ATRNL1: variants seen among roughly 807,000 people sequenced by gnomAD.
ATRNL1 encodes the protein attractin like 1, also known as attractin-like protein 1.
Under a neutral mutation model 182.7 loss-of-function variants are expected in ATRNL1, and 95 were observed. The observed-to-expected ratio is 0.52, with a 90% confidence interval of 0.44 to 0.62. ATRNL1 has a LOEUF of 0.62. ATRNL1 is among the 20% of genes least tolerant of loss of function. The pLI is 0.00. For missense variants in ATRNL1, 1,471 were observed against 1,679.5 expected, an observed-to-expected ratio of 0.88 and a Z score of 2.17; for synonymous variants, 576 against 568.3, an observed-to-expected ratio of 1.01 and a Z score of -0.19.
At chr10:115,606,418 T>C (rs1160257670) in intron 26 of ATRNL1, among the ~76,000 whole-genome samples, 1 of 152,010 alleles carries the variant, frequency 6.6e-6, no homozygotes, top group Non-Finnish European at 1.5e-5. Context: ...TTATCTGCTT[T>C]TCATTTTCAG....
At chr10:115,532,653 C>T (rs1308687355) in intron 25 of ATRNL1, among the ~76,000 whole-genome samples, 1 of 150,364 alleles carries the variant, frequency 6.7e-6, no homozygotes, top group Non-Finnish European at 1.5e-5. Context: ...CCAGAACTTC[C>T]AACACTATGT....
chr10:115,494,698 T>A (rs779466416), intron 24 of ATRNL1, among the ~76,000 whole-genome samples: 28 of 152,198 alleles, frequency 1.8e-4, no homozygotes, highest in Non-Finnish European at 3.4e-4. Flanking sequence ...GCCTACTTAA[T>A]TGTGGTGGAT....
intron 19 of ATRNL1, among the ~76,000 whole-genome samples, chr10:115,362,734 T>C (rs1343369408): frequency 5.9e-5 from 9 of 152,044 alleles, no homozygotes; most frequent in Non-Finnish European, 1.3e-4. Flanking sequence ...TGTGATCTCA[T>C]TGTTCAATTC....
At chr10:115,843,759 G>A (rs147095898) in intron 27 of ATRNL1, among the ~76,000 whole-genome samples, 76 of 152,170 alleles carry the variant, frequency 5.0e-4, no homozygotes, top group African/African-American at 1.7e-3. Flanking sequence ...CGTTTTAAGA[G>A]TTAATGTCTT....
At chr10:115,196,273 C>T (rs182045533) in intron 8 of ATRNL1, among the ~76,000 whole-genome samples, 3 of 152,080 alleles carry the variant, frequency 2.0e-5, no homozygotes, top group East Asian at 3.9e-4. Context: ...ATGTGTGAGC[C>T]GATTTTTGTA....
chr10:115,222,120 T>C (rs1403090853), intron 9 of ATRNL1, among the ~76,000 whole-genome samples: 2 of 151,982 alleles, frequency 1.3e-5, no homozygotes, highest in Non-Finnish European at 2.9e-5. Context: ...TGGATACTCA[T>C]ACTTATGAAT....
intron 26 of ATRNL1, among the ~76,000 whole-genome samples, chr10:115,553,415 GT>G (rs782330870): frequency 6.6e-6 from 1 of 151,138 alleles, no homozygotes; most frequent in Admixed American, 6.6e-5. Flanking sequence ...TAAATTTACA[GT>G]TTTTTTAAGT....
intron 26 of ATRNL1, among the ~76,000 whole-genome samples, chr10:115,572,399 T>C (rs1279129972): frequency 2.6e-5 from 4 of 152,046 alleles, no homozygotes; most frequent in African/African-American, 9.7e-5. Context: ...GTCAAATATA[T>C]TGTCACTGCT....
intron 26 of ATRNL1, among the ~76,000 whole-genome samples, chr10:115,675,045 G>T (rs1945817374): frequency 6.6e-6 from 1 of 152,014 alleles, no homozygotes; most frequent in Non-Finnish European, 1.5e-5. Flanking sequence ...AGAACTACTT[G>T]CTTATTTCTG....
At chr10:115,269,746 G>T (rs1200386192) in intron 13 of ATRNL1, among the ~76,000 whole-genome samples, 1 of 151,962 alleles carries the variant, frequency 6.6e-6, no homozygotes, top group Non-Finnish European at 1.5e-5. Context: ...ATTACTGAAA[G>T]TATCTACTTG....
intron 28 of ATRNL1, among the ~76,000 whole-genome samples, chr10:115,899,939 G>A (rs1378088016): frequency 6.6e-6 from 1 of 152,068 alleles, no homozygotes; most frequent in Non-Finnish European, 1.5e-5. Flanking sequence ...CTTGATTATA[G>A]AGCCAAGACT....
intron 1 of ATRNL1, among the ~76,000 whole-genome samples, chr10:115,106,456 T>G (rs1172978066): frequency 6.6e-6 from 1 of 152,094 alleles, no homozygotes. Context: ...TGTTTTGAAA[T>G]GTGAGGACAT....
chr10:115,303,051 A>G (rs1357028552), intron 17 of ATRNL1, among the ~76,000 whole-genome samples: 1 of 151,906 alleles, frequency 6.6e-6, no homozygotes, highest in Non-Finnish European at 1.5e-5. Context: ...CTGTTTCTCA[A>G]TGTTGGTTGC....
At chr10:115,670,588 C>A (rs113638235) in intron 26 of ATRNL1, among the ~76,000 whole-genome samples, 2,535 of 152,222 alleles carry the variant, frequency 0.017, 65 homozygotes, top group African/African-American at 0.058. Context: ...GTCTTAACTA[C>A]TGAGCAAGTA....
chr10:115,419,711 C>A lies in ATRNL1; in HGVS notation c.3270-6539C>A, dbSNP rs115986326. Among the ~76,000 whole-genome samples the A allele has an allele frequency of 3.9e-3, 597 of 152,200 alleles. 3 individuals are homozygous for A. The highest frequency in any genetic ancestry group is 0.014 in the African/African-American group (576 of 41,530). Reference sequence around the variant, plus strand: ...ATAATAATAGCAGGGGTCAATGCAGCAAGCAGATACAATTATAAACATATA... The same window carrying A: ...ATAATAATAGCAGGGGTCAATGCAGAAAGCAGATACAATTATAAACATATA... On this transcript the variant is annotated intron_variant, in intron 20 of 28. Coordinates refer to ENST00000355044, the MANE Select transcript of ATRNL1 (RefSeq NM_207303.4).
Position 115,847,972 on chromosome 10 carries a change from C to A in ATRNL1, c.3999C>A (p.Ala1333=). The change falls in exon 28 of 29, where the codon GCC becomes GCA. Residue 1333 remains alanine, a synonymous_variant. Coordinates refer to ENST00000355044, the MANE Select transcript of ATRNL1 (RefSeq NM_207303.4). ...GTCTACCACGAGGATCATCAGGTGCCCCTCCCCCTGGGCAGTCAGGTATGA... is the reference window on the plus strand; with the variant it reads ...GTCTACCACGAGGATCATCAGGTGCACCTCCCCCTGGGCAGTCAGGTATGA... ...FLCLPRGSSG[A]PPPGQSGLAI... is the part of the protein sequence containing the mutation. The A allele has an allele frequency of 1.9e-6, 3 of 1,607,558 alleles. No homozygotes were observed. The highest frequency in any genetic ancestry group is 2.6e-6 in the Non-Finnish European group (3 of 1,174,470).
At chr10:115,154,927 A>G (rs1186553086) in intron 5 of ATRNL1, among the ~76,000 whole-genome samples, 2 of 152,108 alleles carry the variant, frequency 1.3e-5, no homozygotes, top group Non-Finnish European at 2.9e-5. Context: ...CTCCCTTTAA[A>G]TGTATTAATT....
rs551415767 is a variant in ATRNL1 at position 115,871,602 on chromosome 10, A to G, written c.4018+23611A>G. Among the ~76,000 whole-genome samples, 64 of 151,888 alleles carry G rather than the reference A, an allele frequency of 4.2e-4. No homozygotes were observed. The South Asian group carries it at 0.011, about 26-fold the overall frequency. ...AGCATCCAAGGAAAGGAACTACTCAAAGAAGCAGGAACTGCTTGAGCAGCA... is the reference window on the plus strand; with the variant it reads ...AGCATCCAAGGAAAGGAACTACTCAGAGAAGCAGGAACTGCTTGAGCAGCA... On this transcript the variant is annotated intron_variant, in intron 28 of 28. Transcript: ENST00000355044.
intron 20 of ATRNL1, among the ~76,000 whole-genome samples, chr10:115,418,889 C>G (rs1243622828): frequency 6.6e-6 from 1 of 152,074 alleles, no homozygotes; most frequent in Non-Finnish European, 1.5e-5. Context: ...CTTCTGCAGA[C>G]AAACAAAAGC....
Sources: gnomAD v4.1 joint callset for allele counts (sites outside exome capture counted in the v4.1 genomes callset) on GRCh38, gnomAD v4.1.1 for gene constraint, MANE v1.5 for transcripts, NCBI Gene and HGNC (gene_info 2026-07-23, HGNC 2026-07-21) for gene names.